TMC1: variants seen among roughly 807,000 people sequenced by gnomAD.
The protein encoded by TMC1 is transmembrane channel like 1.
A neutral mutation model predicts 105.8 loss-of-function variants in TMC1; 84 were observed. The ratio of observed to expected loss-of-function variants is 0.79; its 90% CI spans 0.67 to 0.95. The LOEUF (loss-of-function observed/expected upper bound fraction) is 0.95. Among genes scored for constraint, TMC1 ranks in the 40% least tolerant of loss-of-function variants. The pLI, the probability that TMC1 is intolerant of heterozygous loss-of-function variation, is 0.00. For synonymous variants in TMC1, 315 were observed against 311.5 expected, an observed-to-expected ratio of 1.01 and a Z score of -0.12; for missense variants, 817 against 914.1, an observed-to-expected ratio of 0.89 and a Z score of 1.37.
intron 2 of TMC1, among the ~76,000 whole-genome samples, chr9:72,603,386 TACACACACACACAC>T (rs10584160): frequency 3.5e-4 from 51 of 145,228 alleles, no homozygotes; most frequent in African/African-American, 1.2e-3. Context: ...CTCTCCCCAC[TACACACACACACAC>T]ACACACACAC....
intron 2 of TMC1, among the ~76,000 whole-genome samples, chr9:72,583,240 CA>C (rs1824501259): frequency 6.6e-6 from 1 of 151,660 alleles, no homozygotes; most frequent in Non-Finnish European, 1.5e-5. Context: ...AAAACAAAAA[CA>C]AAAACAACCC....
chr9:72,584,715 A>G (rs1319127067), intron 2 of TMC1, among the ~76,000 whole-genome samples: 1 of 151,506 alleles, frequency 6.6e-6, no homozygotes, highest in Non-Finnish European at 1.5e-5. Context: ...CTTCTGGGTA[A>G]TTTAACACCA....
chr9:72,807,753 C>A (rs940322769), intron 18 of TMC1, among the ~76,000 whole-genome samples: 2 of 152,218 alleles, frequency 1.3e-5, no homozygotes, highest in South Asian at 2.1e-4. Context: ...AATAAGAGCT[C>A]GAAAGAGACA....
chr9:72,830,198 A>G, intron 21 of TMC1, among the ~76,000 whole-genome samples: 1 of 152,214 alleles, frequency 6.6e-6, no homozygotes, highest in East Asian at 1.9e-4. Context: ...AGCAGACAGA[A>G]CAGGCTGTGG....
At chr9:72,639,310 G>A (rs1336495146) in intron 4 of TMC1, among the ~76,000 whole-genome samples, 3 of 152,106 alleles carry the variant, frequency 2.0e-5, no homozygotes, top group Admixed American at 6.5e-5. Flanking sequence ...TATATTAGAA[G>A]ATGCTAACCA....
At chr9:72,638,509 C>T (rs1478620473) in intron 4 of TMC1, among the ~76,000 whole-genome samples, 2 of 152,186 alleles carry the variant, frequency 1.3e-5, no homozygotes, top group Non-Finnish European at 2.9e-5. Flanking sequence ...ACTGCAGCAG[C>T]CCCCTTCCTG....
intron 1 of TMC1, among the ~76,000 whole-genome samples, chr9:72,572,002 A>C (rs1824295107): frequency 6.6e-6 from 1 of 151,826 alleles, no homozygotes; most frequent in African/African-American, 2.4e-5. Flanking sequence ...ACACTCGGCT[A>C]ATTTTGTATT....
chr9:72,805,337 T>G (rs1403027422), intron 17 of TMC1, 45 bp from the exon 18 acceptor site: 1 of 1,608,880 alleles, frequency 6.2e-7, no homozygotes, highest in Admixed American at 1.7e-5. Flanking sequence ...CTAGGACCAT[T>G]TGAAGACAGA....
At chr9:72,722,312 A>G (rs1252612278) in intron 8 of TMC1, among the ~76,000 whole-genome samples, 8 of 152,046 alleles carry the variant, frequency 5.3e-5, no homozygotes. Context: ...TTTGAACTGT[A>G]TTTTCCAGTG....
At chr9:72,623,162 CT>C (rs57488888) in intron 3 of TMC1, among the ~76,000 whole-genome samples, 22,479 of 96,934 alleles carry the variant, frequency 0.23, 1,516 homozygotes, top group East Asian at 0.36. Flanking sequence ...TTTTTTTTTT[CT>C]TTTTTTTTTT....
At chr9:72,706,778 CTT>C (rs370448287) in intron 8 of TMC1, among the ~76,000 whole-genome samples, 21 of 142,636 alleles carry the variant, frequency 1.5e-4, no homozygotes, top group African/African-American at 1.5e-4. Context: ...TTCTTTCTTT[CTT>C]TTTTTTTTTT....
At chr9:72,766,131 A>G (rs1186537683) in intron 12 of TMC1, among the ~76,000 whole-genome samples, 3 of 152,148 alleles carry the variant, frequency 2.0e-5, no homozygotes, top group Admixed American at 6.5e-5. Context: ...GTATTAGCAC[A>G]TCTCGGCTGG....
Position 72,820,033 on chromosome 9 carries a change from T to C in TMC1, c.1764-809T>C, listed in dbSNP as rs1308534123. Among the ~76,000 whole-genome samples, 10 of 152,186 alleles carry C rather than the reference T, an allele frequency of 6.6e-5. 1 individual carries two copies. On this transcript the variant is annotated intron_variant, in intron 19 of 23. Transcript: ENST00000297784. The stretch of plus-strand genomic sequence containing the variant: ...CCCACCTAAAAGTAGTATTTTAAAA[T>C]GCTTATAAAAACTCAGATGCACAAA...
In TMC1 at chr9:72,694,708, G is replaced by C; in HGVS notation, c.230G>C (p.Arg77Thr). The C allele has an allele frequency of 6.2e-7, 1 of 1,608,338 alleles. No homozygotes were observed. The highest frequency in any genetic ancestry group is 8.5e-7 in the Non-Finnish European group (1 of 1,176,900). ...AAAGAGAGGAGGAGGAGGCTAAAGA[G>C]AGGAGCGTAAGTTAGTTCTGATATT... ...REKERRRRLK[R>T]GAEEEEIDEE... The change falls in exon 7 of 24, where the codon AGA becomes ACA. Residue 77 changes from arginine (R) to threonine (T), a missense_variant. By Grantham distance (71) the Arg-to-Thr change is moderately conservative (BLOSUM62 -1). Coordinates refer to ENST00000297784, the MANE Select transcript of TMC1 (RefSeq NM_138691.3).
chr9:72,651,125 A>G (rs1326672548), intron 5 of TMC1: 1 of 149,004 alleles, frequency 6.7e-6, no homozygotes, highest in Non-Finnish European at 1.5e-5. Flanking sequence ...ACATGTATCT[A>G]TATCACATAT....
intron 5 of TMC1, among the ~76,000 whole-genome samples, chr9:72,662,905 C>G (rs1588019080): frequency 6.6e-6 from 1 of 152,182 alleles, no homozygotes; most frequent in African/African-American, 2.4e-5. Context: ...TTAATAAATA[C>G]AGTCATGTGT....
At chr9:72,535,522 GA>G (rs1823568802) in intron 1 of TMC1, among the ~76,000 whole-genome samples, 1 of 152,142 alleles carries the variant, frequency 6.6e-6, no homozygotes, top group Non-Finnish European at 1.5e-5. Flanking sequence ...TCCTCCTCAA[GA>G]ACTTTCAGTG....
chr9:72,559,392 C>T (rs571912114), intron 1 of TMC1, among the ~76,000 whole-genome samples: 1 of 152,300 alleles, frequency 6.6e-6, no homozygotes, highest in African/African-American at 2.4e-5. Context: ...CTGTGCCTGG[C>T]AAGAGATAGA....
chr9:72,628,494 C>T (rs1825390781), intron 4 of TMC1: 1 of 160,720 alleles, frequency 6.2e-6, no homozygotes, highest in Non-Finnish European at 1.4e-5. Flanking sequence ...TGTACGTGTG[C>T]ACTTGCATGT....
Sources: allele counts gnomAD v4.1 joint callset (sites outside exome capture counted in the v4.1 genomes callset), GRCh38; gene constraint gnomAD v4.1.1; transcripts MANE v1.5; gene names NCBI Gene and HGNC (gene_info 2026-07-23, HGNC 2026-07-21).